BMPR1B: variants seen among roughly 807,000 people sequenced by gnomAD.
BMPR1B encodes bone morphogenetic protein receptor type 1B, also known as bone morphogenetic protein receptor type-1B.
BMPR1B carries 12 observed loss-of-function variants against 59.1 expected under a neutral mutation model. The observed-to-expected ratio is 0.20, with a 90% CI of 0.13 to 0.33. The LOEUF is 0.33. BMPR1B is among the 10% of genes least tolerant of loss of function. The pLI is 1.00. For synonymous variants in BMPR1B, 237 were observed against 207.3 expected, an observed-to-expected ratio of 1.14 and a Z score of -1.23; for missense variants, 550 against 610.9, an observed-to-expected ratio of 0.90 and a Z score of 1.05.
intron 1 of BMPR1B, among the ~76,000 whole-genome samples, chr4:94,766,685 T>C (rs1313608003): frequency 6.6e-6 from 1 of 151,986 alleles, no homozygotes; most frequent in African/African-American, 2.4e-5. Flanking sequence ...ATTATTATTA[T>C]TATTTTTTAC....
intron 2 of BMPR1B, among the ~76,000 whole-genome samples, chr4:94,953,876 A>G (rs1395542407): frequency 6.6e-6 from 1 of 152,110 alleles, no homozygotes; most frequent in Non-Finnish European, 1.5e-5. Context: ...CATTCTCCAC[A>G]TCACTTTCAG....
chr4:94,791,209 G>A (rs939010662), intron 1 of BMPR1B, among the ~76,000 whole-genome samples: 2 of 152,026 alleles, frequency 1.3e-5, no homozygotes, highest in African/African-American at 4.8e-5. Flanking sequence ...GGCTGGTCTC[G>A]AACTCCTGAT....
intron 1 of BMPR1B, among the ~76,000 whole-genome samples, chr4:94,843,336 G>A (rs1341707658): frequency 1.3e-5 from 2 of 152,210 alleles, no homozygotes; most frequent in African/African-American, 2.4e-5. Context: ...TGGTTTGAAA[G>A]TGAACAGCCA....
chr4:94,772,833 T>C (rs954396735), intron 1 of BMPR1B, among the ~76,000 whole-genome samples: 1 of 152,160 alleles, frequency 6.6e-6, no homozygotes, highest in African/African-American at 2.4e-5. Flanking sequence ...TGGAGGCTTG[T>C]TATGCATGTC....
At chr4:95,044,884 T>C (rs1461184302) in intron 3 of BMPR1B, among the ~76,000 whole-genome samples, 1 of 152,160 alleles carries the variant, frequency 6.6e-6, no homozygotes, top group Non-Finnish European at 1.5e-5. Context: ...TTTTTTTTTC[T>C]CATAGTGGAG....
At chr4:95,063,499 G>A (rs766664354) in intron 3 of BMPR1B, among the ~76,000 whole-genome samples, 1 of 152,084 alleles carries the variant, frequency 6.6e-6, no homozygotes, top group Non-Finnish European at 1.5e-5. Flanking sequence ...TAAATAACTT[G>A]CTCGAGGTCA....
intron 1 of BMPR1B, among the ~76,000 whole-genome samples, chr4:94,820,448 AGG>A (rs1471576359): frequency 1.3e-5 from 2 of 152,174 alleles, no homozygotes; most frequent in African/African-American, 4.8e-5. Context: ...AAACTCTGGG[AGG>A]GCAGGGAGTG....
At chr4:94,993,618 A>G (rs985799849) in intron 2 of BMPR1B, among the ~76,000 whole-genome samples, 1 of 151,972 alleles carries the variant, frequency 6.6e-6, no homozygotes, top group African/African-American at 2.4e-5. Context: ...AAAATTAGTC[A>G]GGTATGGTGG....
In BMPR1B at chr4:94,914,123, G is replaced by T. The variant is rs28553521; in HGVS notation, c.-113+38223G>T. Among the ~76,000 whole-genome samples the T allele has an allele frequency of 7.4e-3, 1,121 of 152,222 alleles. 16 individuals are homozygous for T. Among genetic ancestry groups the T allele is most frequent in the African/African-American group, 0.026 (1,074 of 41,544 alleles). On this transcript the variant is annotated intron_variant, in intron 2 of 12. Coordinates refer to ENST00000515059, the MANE Select transcript of BMPR1B (RefSeq NM_001203.3). ...GTCATTAAAAGCTTAAGTTTGAGTG[G>T]TAGAGATGGGGAGAAGTGGACAAAT...
At chr4:95,099,618 GCA>G (rs1474948128) in intron 3 of BMPR1B, among the ~76,000 whole-genome samples, 2 of 151,942 alleles carry the variant, frequency 1.3e-5, no homozygotes, top group East Asian at 1.9e-4. Flanking sequence ...GCACACACAC[GCA>G]CACACACGTT....
At chr4:94,798,785 T>G (rs2110617737) in intron 1 of BMPR1B, among the ~76,000 whole-genome samples, 1 of 152,178 alleles carries the variant, frequency 6.6e-6, no homozygotes, top group Middle Eastern at 3.4e-3. Context: ...ACCCCTTGAG[T>G]CTTCAGGATT....
rs779359224 is a variant in BMPR1B at position 95,131,454 on chromosome 4, G to A, written c.1018G>A (p.Val340Met). The A allele has an allele frequency of 3.1e-6, 5 of 1,613,868 alleles. No homozygotes were observed. Among genetic ancestry groups the A allele is most frequent in the Middle Eastern group, 1.6e-4 (1 of 6,082 alleles). Residue 340 changes from valine to methionine, a missense_variant, in exon 10 of 13, where the codon GTG (valine) becomes ATG (methionine). Physicochemically the swap from Val to Met is conservative, Grantham distance 21. Transcript: ENST00000515059. ...HRDLKSKNILVKKNGTCCIAD... is the reference protein window; with the variant it reads ...HRDLKSKNILMKKNGTCCIAD... ...AGATCTGAAAAGTAAAAACATTCTG[G>A]TGAAGAAAAATGGAACTTGCTGTAT...
At chr4:95,059,136 C>G (rs767128118) in intron 3 of BMPR1B, among the ~76,000 whole-genome samples, 2 of 152,128 alleles carry the variant, frequency 1.3e-5, no homozygotes, top group Non-Finnish European at 2.9e-5. Flanking sequence ...AACTTAGCCT[C>G]TGAATTCAGC....
intron 1 of BMPR1B, among the ~76,000 whole-genome samples, chr4:94,767,541 A>T (rs1474067541): frequency 2.6e-5 from 4 of 152,146 alleles, no homozygotes; most frequent in Non-Finnish European, 5.9e-5. Context: ...GCATCTCAAG[A>T]TTAAATCAAT....
intron 2 of BMPR1B, among the ~76,000 whole-genome samples, chr4:94,934,910 C>T (rs937883520): frequency 6.6e-6 from 1 of 151,990 alleles, no homozygotes; most frequent in Non-Finnish European, 1.5e-5. Context: ...ATATGCTGCT[C>T]ACCTCCAGAG....
intron 10 of BMPR1B, among the ~76,000 whole-genome samples, chr4:95,133,369 CT>C (rs1560680320): frequency 6.6e-6 from 1 of 152,170 alleles, no homozygotes; most frequent in Non-Finnish European, 1.5e-5. Context: ...GCAGTGGACT[CT>C]TTTCTTTTCT....
intron 3 of BMPR1B, among the ~76,000 whole-genome samples, chr4:95,076,790 A>G (rs554658545): frequency 5.3e-5 from 8 of 152,220 alleles, no homozygotes; most frequent in Non-Finnish European, 8.8e-5. Flanking sequence ...ACGTTAAAAA[A>G]GAAACACAAT....
At chr4:95,031,104 T>C (rs1407345312) in intron 3 of BMPR1B, among the ~76,000 whole-genome samples, 1 of 152,044 alleles carries the variant, frequency 6.6e-6, no homozygotes, top group Non-Finnish European at 1.5e-5. Flanking sequence ...GGCATCACAC[T>C]ACCTGACTTC....
chr4:94,957,869 C>T lies in BMPR1B; in HGVS notation c.-112-38171C>T, dbSNP rs532081824. ...GGTAACCTTTTTATTAGGTTGTATACGGTGGGTTATCACTCATATTTGATA... is the reference window on the plus strand; with the variant it reads ...GGTAACCTTTTTATTAGGTTGTATATGGTGGGTTATCACTCATATTTGATA... On this transcript the variant is annotated intron_variant, in intron 2 of 12. Transcript: ENST00000515059. Among the ~76,000 whole-genome samples, 25 of 151,756 alleles carry T rather than the reference C, an allele frequency of 1.6e-4. 1 individual carries two copies. Among genetic ancestry groups the T allele is most frequent in the East Asian group, 5.8e-4 (3 of 5,164 alleles).
Sources: allele counts gnomAD v4.1 joint callset (sites outside exome capture counted in the v4.1 genomes callset), GRCh38; gene constraint gnomAD v4.1.1; transcripts MANE v1.5; gene names NCBI Gene and HGNC (gene_info 2026-07-23, HGNC 2026-07-21).